The following C11orf54 variants were observed in gnomAD, a reference collection of about 807,000 sequenced individuals.
C11orf54 encodes beta-keto-L-gulonate decarboxylase, also known as beta-keto L-gulonate decarboxylase.
C11orf54 carries 29 observed loss-of-function variants against 35.5 expected under a neutral mutation model. The ratio of observed to expected loss-of-function variants is 0.82; its 90% CI spans 0.61 to 1.11. The LOEUF (loss-of-function observed/expected upper bound fraction) is 1.11. C11orf54 is among the 50% of genes most tolerant of loss of function. C11orf54 has a pLI of 0.00. For missense variants in C11orf54, 373 were observed against 369.2 expected (o/e 1.01, Z -0.08); for synonymous variants, 108 against 121.1 (o/e 0.89, Z 0.71).
chr11:93,750,274 C>T (rs1942744767), intron 2 of C11orf54, 72 bp from the exon 3 acceptor site: 7 of 1,165,632 alleles, frequency 6.0e-6, no homozygotes, highest in South Asian at 2.5e-5. Flanking sequence ...TTGAGAGCCA[C>T]ATACCACTTT....
intron 8 of C11orf54, 148 bp from the exon 9 acceptor site, chr11:93,761,367 A>G (rs557883053): frequency 5.9e-5 from 38 of 647,308 alleles, no homozygotes; most frequent in Non-Finnish European, 9.2e-5. Context: ...TTTACTGAAT[A>G]CATCGTTTTG....
chr11:93,753,862 G>A, intron 4 of C11orf54, 74 bp from the exon 5 acceptor site: 9 of 1,525,784 alleles, frequency 5.9e-6, no homozygotes, highest in Non-Finnish European at 8.2e-6. Context: ...AAGTGCTAAT[G>A]GATCAGTAAT....
At chr11:93,760,071 C>T (rs1179973692) in intron 8 of C11orf54, among the ~76,000 whole-genome samples, 5 of 151,998 alleles carry the variant, frequency 3.3e-5, no homozygotes, top group African/African-American at 9.7e-5. Flanking sequence ...CTCAGCCTCC[C>T]GGGTAGCTGG....
At chr11:93,754,639 T>C (rs1244346580) in intron 5 of C11orf54, among the ~76,000 whole-genome samples, 1 of 151,880 alleles carries the variant, frequency 6.6e-6, no homozygotes, top group Non-Finnish European at 1.5e-5. Flanking sequence ...ACAATTTGCC[T>C]AGTGTTCAAG....
At chr11:93,743,563 T>TGAGCAGATGCTG (rs1052304073) in intron 1 of C11orf54, among the ~76,000 whole-genome samples, 2 of 151,944 alleles carry the variant, frequency 1.3e-5, no homozygotes, top group African/African-American at 4.8e-5. Context: ...TGCGTGGGGG[T>TGAGCAGATGCTG]GAGCAGATGC....
intron 6 of C11orf54, among the ~76,000 whole-genome samples, chr11:93,755,752 CAAAAA>C (rs11452678): frequency 9.1e-6 from 1 of 109,800 alleles, no homozygotes; most frequent in African/African-American, 3.8e-5. Flanking sequence ...GACTCTGTCT[CAAAAA>C]AAAAAAAAAA....
rs1365366083 is a variant in C11orf54, at chr11:93,761,599, A to G, written c.859A>G (p.Ile287Val). 1.2e-6 allele frequency: 2 copies of G among 1,613,284 alleles called. No homozygotes were observed. The highest frequency in any genetic ancestry group is 1.7e-6 in the Non-Finnish European group (2 of 1,179,570). Reference protein sequence around the residue: ...GHYHYDTTPDIVEYLGYFLPA... With the variant: ...GHYHYDTTPDVVEYLGYFLPA... The stretch of plus-strand genomic sequence containing the variant: ...CTACCATTATGACACTACTCCAGAT[A>G]TAGTGGAATATCTTGGATACTTCTT... Residue 287 changes from isoleucine to valine, a missense_variant, in exon 9 of 9, where the codon ATA becomes GTA. Physicochemically the swap from Ile to Val is conservative, Grantham distance 29. Transcript: ENST00000354421.
intron 3 of C11orf54, among the ~76,000 whole-genome samples, chr11:93,752,089 T>A (rs1942865657): frequency 6.6e-6 from 1 of 151,328 alleles, no homozygotes. Flanking sequence ...TCAAGTGATG[T>A]GCCCGCCTCG....
chr11:93,743,296 C>T (rs1050984675), intron 1 of C11orf54, among the ~76,000 whole-genome samples: 9 of 151,762 alleles, frequency 5.9e-5, no homozygotes, highest in Non-Finnish European at 1.2e-4. Flanking sequence ...TCACCGCGCC[C>T]GGCCACATTT....
At chr11:93,747,677 TTC>T (rs1331347800) in intron 2 of C11orf54, among the ~76,000 whole-genome samples, 2 of 152,200 alleles carry the variant, frequency 1.3e-5, no homozygotes, top group African/African-American at 2.4e-5. Flanking sequence ...AATTTATAAA[TTC>T]TTTTTTCTTT....
intron 8 of C11orf54, 35 bp from the exon 9 acceptor site, chr11:93,761,480 T>A: frequency 6.5e-7 from 1 of 1,534,788 alleles, no homozygotes; most frequent in South Asian, 1.3e-5. Context: ...AATCAATAAT[T>A]TGAGTACTAA....
Position 93,760,237 on chromosome 11 carries a change from G to A in C11orf54, c.774+379G>A, listed in dbSNP as rs541022879. 2.6e-5 allele frequency among the ~76,000 whole-genome samples: 4 copies of A among 152,146 alleles called. No homozygotes were observed. The South Asian group carries it at 8.3e-4, about 32-fold the overall frequency. ...TGGGATTACAAGCATGAGCCACCAT[G>A]CCCGGCCATGTGTTGTTGTTATTTA... On this transcript the variant is annotated intron_variant, in intron 8 of 8. Coordinates refer to ENST00000354421, the MANE Select transcript of C11orf54 (RefSeq NM_001286069.2).
At chr11:93,748,497 T>C (rs1292933738) in intron 2 of C11orf54, among the ~76,000 whole-genome samples, 1 of 152,116 alleles carries the variant, frequency 6.6e-6, no homozygotes, top group Non-Finnish European at 1.5e-5. Flanking sequence ...CTTTTGTGTT[T>C]GTTTCTATTT....
intron 2 of C11orf54, among the ~76,000 whole-genome samples, chr11:93,748,795 C>A (rs575674853): frequency 2.2e-4 from 33 of 151,126 alleles, no homozygotes; most frequent in Non-Finnish European, 3.5e-4. Flanking sequence ...AAGATCGCGC[C>A]ACTGTACTTC....
At chr11:93,747,526 T>A in intron 2 of C11orf54, 78 bp downstream of exon 2, 6 of 1,028,272 alleles carry the variant, frequency 5.8e-6, no homozygotes, top group Non-Finnish European at 8.5e-6. Flanking sequence ...AAGATCTATC[T>A]ATATCTTACT....
chr11:93,761,441 TA>T lies in C11orf54; in HGVS notation c.775-69del, dbSNP rs1299325741. The T allele has an allele frequency of 8.7e-5, 119 of 1,374,596 alleles. 1 individual carries two copies. Among genetic ancestry groups the T allele is most frequent in the Non-Finnish European group, 7.6e-5 (77 of 1,018,798 alleles). 85.1% of individuals were successfully genotyped at this position (1,374,596 alleles called of 1,614,324 possible). On this transcript the variant is annotated intron_variant, in intron 8 of 8. Coordinates refer to ENST00000354421, the MANE Select transcript of C11orf54 (RefSeq NM_001286069.2). ...TTAAAAAATAAAAACTATTGCAACG[TA>T]AAAAGTTATCCCTCCCCCTTAAACT...
Position 93,755,330 on chromosome 11 carries a change from G to A in C11orf54, c.451G>A (p.Asp151Asn). 1 of 1,614,204 alleles carries A rather than the reference G, an allele frequency of 6.2e-7. No individual in the cohort carries two copies. Among genetic ancestry groups the A allele is most frequent in the African/African-American group, 1.3e-5 (1 of 75,066 alleles). The change falls in exon 6 of 9, where the codon GAT (aspartate) becomes AAT (asparagine). Residue 151 changes from aspartate to asparagine, a missense_variant. Physicochemically the swap from Asp to Asn is conservative, Grantham distance 23. Transcript: ENST00000354421. ...GGAGAAATACAGTGAGAAATGTCAT[G>A]ATTTTCAGTGTGCATTACTGGCTAA... ...LLEKYSEKCH[D>N]FQCALLANLF... is the part of the protein sequence containing the mutation.
In C11orf54 at chr11:93,764,180, T is replaced by G. The variant is rs1279592900; in HGVS notation, c.*2492T>G. ...AGGGGACGAGGGGTGGGATAAGGCT[T>G]AAAAGCCACCAGCAGTCAAACATAA... On this transcript the variant is annotated 3_prime_UTR_variant, in exon 9 of 9. Coordinates refer to ENST00000354421, the MANE Select transcript of C11orf54 (RefSeq NM_001286069.2). The G allele has an allele frequency of 6.6e-6, 1 of 152,138 alleles. No homozygotes were observed. Among genetic ancestry groups the G allele is most frequent in the South Asian group, 2.1e-4 (1 of 4,830 alleles). 9.4% of individuals were successfully genotyped at this position (152,138 alleles called of 1,614,324 possible).
rs1238149642 is a variant in C11orf54 at position 93,763,659 on chromosome 11, G to A, written c.*1971G>A. The A allele has an allele frequency of 1.3e-5, 2 of 152,174 alleles. No individual in the cohort carries two copies. The highest frequency in any genetic ancestry group is 4.8e-5 in the African/African-American group (2 of 41,420). 9.4% of individuals were successfully genotyped at this position (152,174 alleles called of 1,614,324 possible). A position where few individuals can be genotyped will look rare whatever the true frequency, so the allele number is the denominator to read the frequency against. ...TTGTCCCAGCTGCTCAGGAGGCTGAGGCACGAGAATCACTTGAGCCCAGAA... is the reference window on the plus strand; with the variant it reads ...TTGTCCCAGCTGCTCAGGAGGCTGAAGCACGAGAATCACTTGAGCCCAGAA... On this transcript the variant is annotated 3_prime_UTR_variant, in exon 9 of 9. Transcript: ENST00000354421.
Sources: gnomAD v4.1 joint callset for allele counts (sites outside exome capture counted in the v4.1 genomes callset) on GRCh38, gnomAD v4.1.1 for gene constraint, MANE v1.5 for transcripts, NCBI Gene and HGNC (gene_info 2026-07-23, HGNC 2026-07-21) for gene names.